Variants in LRRC7 observed in about 807,000 individuals in gnomAD.
The protein encoded by LRRC7 is leucine rich repeat containing 7.
LRRC7 carries 23 observed loss-of-function variants against 175.7 expected under a neutral mutation model. The observed-to-expected ratio is 0.13, with a 90% CI of 0.09 to 0.19. The LOEUF is 0.19. Among genes scored for constraint, LRRC7 ranks in the 10% least tolerant of loss-of-function variants. The pLI is 1.00. For missense variants in LRRC7, 1,354 were observed against 1,904.7 expected, an observed-to-expected ratio of 0.71 and a Z score of 5.38; for synonymous variants, 685 against 680.9, an observed-to-expected ratio of 1.01 and a Z score of -0.09.
chr1:69,638,169 A>G (rs549675042), intron 1 of LRRC7, among the ~76,000 whole-genome samples: 2 of 151,918 alleles, frequency 1.3e-5, no homozygotes, highest in Admixed American at 6.6e-5. Context: ...CACTGTCTCA[A>G]TGTTGCTTAA....
rs370163703 is a variant in LRRC7, at chr1:69,785,577, T to C, written c.304-6466T>C. On this transcript the variant is annotated intron_variant, in intron 3 of 26. Transcript: ENST00000651989. ...GCTACTTCTGAGTCTTTTTTCATTA[T>C]ATTTATCAAAGTCTTTTCCACTTCT... Among the ~76,000 whole-genome samples, 56 of 152,278 alleles carry C rather than the reference T, an allele frequency of 3.7e-4. 1 individual carries two copies. The highest frequency in any genetic ancestry group is 1.2e-3 in the African/African-American group (50 of 41,582).
At chr1:70,017,755 C>CA (rs1303247962) in intron 14 of LRRC7, among the ~76,000 whole-genome samples, 2 of 151,994 alleles carry the variant, frequency 1.3e-5, no homozygotes, top group African/African-American at 2.4e-5. Flanking sequence ...CCATCTGAGT[C>CA]AAAAATTAGT....
chr1:70,116,274 G>A (rs1446565840), intron 26 of LRRC7, among the ~76,000 whole-genome samples: 1 of 152,142 alleles, frequency 6.6e-6, no homozygotes, highest in Non-Finnish European at 1.5e-5. Context: ...CTTGCTGGGC[G>A]CGGTGGCTCA....
intron 23 of LRRC7, among the ~76,000 whole-genome samples, chr1:70,067,945 T>A (rs933262520): frequency 6.6e-6 from 1 of 152,192 alleles, no homozygotes; most frequent in Non-Finnish European, 1.5e-5. Flanking sequence ...TACACTTGAT[T>A]TGTGTATGTT....
At chr1:69,896,467 TGGTC>T (rs1044864061) in intron 7 of LRRC7, among the ~76,000 whole-genome samples, 12 of 152,164 alleles carry the variant, frequency 7.9e-5, no homozygotes, top group Non-Finnish European at 1.0e-4. Context: ...ATTACACAGA[TGGTC>T]AGTATATGAA....
At position 70,038,998 on chromosome 1, in the gene LRRC7, A is replaced by G. The variant is rs147853113; in HGVS notation, c.3174A>G (p.Lys1058=). 3 of 1,614,040 alleles carry G rather than the reference A, an allele frequency of 1.9e-6. No individual in the cohort carries two copies. Among genetic ancestry groups the G allele is most frequent in the Non-Finnish European group, 2.5e-6 (3 of 1,179,996 alleles). ...YGSSKGPQQQ[K]ASMTKKVYQF... Reference sequence around the variant, plus strand: ...GTAGTAAGGGGCCACAACAACAAAAAGCTTCTATGACAAAAAAAGTCTATC... The same window carrying G: ...GTAGTAAGGGGCCACAACAACAAAAGGCTTCTATGACAAAAAAAGTCTATC... Residue 1058 remains lysine, a synonymous_variant, in exon 21 of 27, where the codon AAA becomes AAG. Coordinates refer to ENST00000651989, the MANE Select transcript of LRRC7 (RefSeq NM_001370785.2).
intron 1 of LRRC7, among the ~76,000 whole-genome samples, chr1:69,621,180 G>C (rs1557497700): frequency 6.6e-6 from 1 of 151,994 alleles, no homozygotes; most frequent in Non-Finnish European, 1.5e-5. Flanking sequence ...GAGTAGCTGG[G>C]ATTACAGGCA....
chr1:69,603,305 T>TA (rs1647156010), intron 1 of LRRC7, among the ~76,000 whole-genome samples: 1 of 152,174 alleles, frequency 6.6e-6, no homozygotes, highest in South Asian at 2.1e-4. Context: ...CCACTACAGA[T>TA]ATATAGCTTA....
intron 3 of LRRC7, among the ~76,000 whole-genome samples, chr1:69,787,827 G>C (rs954347189): frequency 6.6e-6 from 1 of 152,014 alleles, no homozygotes; most frequent in African/African-American, 2.4e-5. Flanking sequence ...CTCCCACCGG[G>C]TCCCTCCCAC....
intron 2 of LRRC7, among the ~76,000 whole-genome samples, chr1:69,685,651 G>A (rs1661050001): frequency 1.3e-5 from 2 of 152,062 alleles, no homozygotes. Context: ...TGAATATGTA[G>A]ATTAGTGGAA....
At chr1:69,910,978 C>T (rs4494098) in intron 7 of LRRC7, among the ~76,000 whole-genome samples, 7,370 of 152,244 alleles carry the variant, frequency 0.048, 226 homozygotes, top group East Asian at 0.15. Context: ...AGGGAGACTC[C>T]GTGGGCATAG....
Position 70,038,439 on chromosome 1 carries a change from C to T in LRRC7, c.2615C>T (p.Thr872Ile). The change falls in exon 21 of 27, where the codon ACA (threonine) becomes ATA (isoleucine). Residue 872 changes from threonine to isoleucine, a missense_variant. By Grantham distance (89) the Thr-to-Ile change is moderately conservative. Coordinates refer to ENST00000651989, the MANE Select transcript of LRRC7 (RefSeq NM_001370785.2). ...EQSTHRHTPE[T>I]EVPPSNPWQN... ...TCTACACACAGACACACACCAGAAA[C>T]AGAAGTGCCTCCTTCCAATCCTTGG... 2 of 1,614,142 alleles carry T rather than the reference C, an allele frequency of 1.2e-6. No homozygotes were observed. Among genetic ancestry groups the T allele is most frequent in the Non-Finnish European group, 1.7e-6 (2 of 1,180,010 alleles).
intron 2 of LRRC7, among the ~76,000 whole-genome samples, chr1:69,737,788 T>G (rs1668283356): frequency 6.6e-6 from 1 of 152,120 alleles, no homozygotes; most frequent in African/African-American, 2.4e-5. Context: ...CTTGTGGTTG[T>G]GTCTTTTCCT....
At chr1:69,841,006 A>G (rs1390374660) in intron 7 of LRRC7, among the ~76,000 whole-genome samples, 1 of 151,994 alleles carries the variant, frequency 6.6e-6, no homozygotes, top group Non-Finnish European at 1.5e-5. Flanking sequence ...TTGTTTGCTT[A>G]TTTATTCCTT....
intron 1 of LRRC7, among the ~76,000 whole-genome samples, chr1:69,652,996 A>C (rs1656082838): frequency 6.6e-6 from 1 of 152,122 alleles, no homozygotes; most frequent in African/African-American, 2.4e-5. Context: ...TAAAATTCCT[A>C]AAAGAAAACA....
chr1:69,953,058 T>G (rs929419907), intron 8 of LRRC7, among the ~76,000 whole-genome samples: 3 of 150,054 alleles, frequency 2.0e-5, no homozygotes, highest in Admixed American at 1.3e-4. Flanking sequence ...GAATAAATGC[T>G]ATTCTGTGGT....
At chr1:70,078,503 A>G (rs1662948188) in intron 24 of LRRC7, among the ~76,000 whole-genome samples, 2 of 152,280 alleles carry the variant, frequency 1.3e-5, no homozygotes, top group South Asian at 4.1e-4. Context: ...TGTTTATTAA[A>G]TATTTTCCAG....
At chr1:70,113,738 AAG>A (rs1553206594) in intron 26 of LRRC7, among the ~76,000 whole-genome samples, 7 of 151,578 alleles carry the variant, frequency 4.6e-5, no homozygotes, top group South Asian at 2.1e-4. Context: ...AAAAAAAAAA[AAG>A]AGTTCATGGT....
intron 1 of LRRC7, among the ~76,000 whole-genome samples, chr1:69,623,917 G>A (rs926667483): frequency 6.6e-6 from 1 of 151,972 alleles, no homozygotes; most frequent in African/African-American, 2.4e-5. Context: ...ACCTCTATTT[G>A]CTTGTTTCTT....
Sources: allele counts gnomAD v4.1 joint callset (sites outside exome capture counted in the v4.1 genomes callset), GRCh38; gene constraint gnomAD v4.1.1; transcripts MANE v1.5; gene names NCBI Gene and HGNC (gene_info 2026-07-23, HGNC 2026-07-21).